Variants in PCDH15 observed in about 807,000 individuals in gnomAD.
The protein encoded by PCDH15 is protocadherin-15.
Under a neutral mutation model 178.5 loss-of-function variants are expected in PCDH15, and 129 were observed. That is an observed-to-expected ratio of 0.72 (90% CI 0.63 to 0.84). The LOEUF (loss-of-function observed/expected upper bound fraction) is 0.84, where lower values mean the gene tolerates loss of function less well. Ranked by LOEUF, PCDH15 falls within the 40% of genes least tolerant of loss-of-function variation. The pLI is 0.00. For missense variants in PCDH15, 2,230 were observed against 2,099.9 expected (o/e 1.06, Z -1.21); for synonymous variants, 800 against 732.0 (o/e 1.09, Z -1.50).
rs118148385 is a variant in PCDH15, at chr10:54,952,226, G to A, written c.-79-54726C>T. 6.7e-3 allele frequency among the ~76,000 whole-genome samples: 1,018 copies of A among 151,812 alleles called. 5 individuals carry two copies. The highest frequency in any genetic ancestry group is 0.051 in the Middle Eastern group (15 of 294). ...TGTCTAGATTAATATTTTATATTTG[G>A]ATGTTCATTAGTTCCATCACTGTTT... On this transcript the variant is annotated intron_variant, in intron 2 of 5. Transcript: ENST00000458638.
intron 2 of PCDH15, among the ~76,000 whole-genome samples, chr10:55,366,551 A>G (rs1845366617): frequency 1.3e-5 from 2 of 152,152 alleles, no homozygotes; most frequent in Non-Finnish European, 2.9e-5. Flanking sequence ...GATTTTTCAT[A>G]GCAAACTTCA....
intron 2 of PCDH15, among the ~76,000 whole-genome samples, chr10:55,436,711 A>C (rs1445344172): frequency 2.0e-5 from 3 of 152,202 alleles, no homozygotes; most frequent in African/African-American, 7.2e-5. Context: ...ATTTGCGTAA[A>C]GAGAATGTAT....
intron 15 of PCDH15, among the ~76,000 whole-genome samples, chr10:54,105,277 GATATATATATATATATATATATATAT>G (rs55696020): frequency 7.7e-5 from 7 of 90,472 alleles, no homozygotes; most frequent in East Asian, 6.1e-4. Flanking sequence ...TATAGATGGA[GATATATATATATATATATATATATAT>G]ATATATATAT....
rs181804223 is a variant in PCDH15, at chr10:54,277,986, A to G, written c.876+39285T>C. 1.3e-3 allele frequency among the ~76,000 whole-genome samples: 194 copies of G among 151,780 alleles called. 2 individuals carry two copies. Among genetic ancestry groups the G allele is most frequent in the Admixed American group, 7.2e-4 (11 of 15,190 alleles). On this transcript the variant is annotated intron_variant, in intron 8 of 37. Transcript: ENST00000644397. ...ATTAGCACCCAACTAGAGATATCAAATAGATAGTTGAATATCTACATCTTT... is the reference window on the plus strand; with the variant it reads ...ATTAGCACCCAACTAGAGATATCAAGTAGATAGTTGAATATCTACATCTTT...
chr10:55,191,382 A>G (rs1332395776), intron 1 of PCDH15, among the ~76,000 whole-genome samples: 1 of 151,794 alleles, frequency 6.6e-6, no homozygotes, highest in Non-Finnish European at 1.5e-5. Context: ...ATTACCAAGA[A>G]ATGTAAGATC....
intron 13 of PCDH15, among the ~76,000 whole-genome samples, chr10:54,179,516 A>G (rs2047774498): frequency 6.6e-6 from 1 of 152,016 alleles, no homozygotes; most frequent in South Asian, 2.1e-4. Context: ...ACATGTATAC[A>G]TATGTAACTA....
At chr10:54,493,635 C>T (rs2079821125) in intron 3 of PCDH15, among the ~76,000 whole-genome samples, 1 of 152,050 alleles carries the variant, frequency 6.6e-6, no homozygotes, top group Non-Finnish European at 1.5e-5. Flanking sequence ...GAAACTCCCC[C>T]ACCCGACTGT....
intron 3 of PCDH15, among the ~76,000 whole-genome samples, chr10:54,511,320 C>A (rs558648714): frequency 4.0e-5 from 6 of 151,766 alleles, no homozygotes; most frequent in Non-Finnish European, 8.8e-5. Flanking sequence ...AATTATTGTC[C>A]CCATGGACTC....
At chr10:54,339,345 T>A (rs910025021) in intron 6 of PCDH15, among the ~76,000 whole-genome samples, 1 of 145,224 alleles carries the variant, frequency 6.9e-6, no homozygotes, top group African/African-American at 2.7e-5. Flanking sequence ...TACTTTGTAT[T>A]ACCATGAAGG....
intron 1 of PCDH15, among the ~76,000 whole-genome samples, chr10:55,307,048 G>A (rs1843445567): frequency 6.6e-6 from 1 of 151,514 alleles, no homozygotes; most frequent in African/African-American, 2.4e-5. Flanking sequence ...TTGTAATAAT[G>A]CTATCATTAT....
chr10:54,478,573 T>TTA (rs2078451472), intron 3 of PCDH15, among the ~76,000 whole-genome samples: 1 of 152,160 alleles, frequency 6.6e-6, no homozygotes, highest in South Asian at 2.1e-4. Context: ...ATACTCATAA[T>TTA]TAACATAAAA....
intron 2 of PCDH15, among the ~76,000 whole-genome samples, chr10:55,497,389 C>A (rs1840558050): frequency 1.3e-5 from 2 of 151,686 alleles, no homozygotes; most frequent in African/African-American, 4.8e-5. Flanking sequence ...CTTGGCCTCA[C>A]AAAGTGTTAG....
chr10:55,025,950 C>A (rs896672834), intron 2 of PCDH15, among the ~76,000 whole-genome samples: 1 of 151,818 alleles, frequency 6.6e-6, no homozygotes, highest in Non-Finnish European at 1.5e-5. Context: ...TTTCACAATA[C>A]TTTGTTAGAC....
chr10:54,914,007 A>G (rs1954862184), intron 2 of PCDH15, among the ~76,000 whole-genome samples: 1 of 152,100 alleles, frequency 6.6e-6, no homozygotes, highest in Admixed American at 6.6e-5. Flanking sequence ...CTCATATGAG[A>G]CTTTAGACTG....
At chr10:54,063,239 A>T (rs1452635514) in intron 18 of PCDH15, among the ~76,000 whole-genome samples, 1 of 152,178 alleles carries the variant, frequency 6.6e-6, no homozygotes, top group Non-Finnish European at 1.5e-5. Context: ...CATGGTATAG[A>T]AAAGTGTTTA....
chr10:54,247,935 A>T (rs1049854337), intron 8 of PCDH15, among the ~76,000 whole-genome samples: 1 of 139,406 alleles, frequency 7.2e-6, no homozygotes, highest in Admixed American at 7.2e-5. Flanking sequence ...TGCATGAAAG[A>T]ATATATATAT....
rs1318369013 is a variant in PCDH15, at chr10:53,822,041, T to C, written c.4368-1811A>G. 11 of 1,613,994 alleles carry C rather than the reference T, an allele frequency of 6.8e-6. No individual in the cohort carries two copies. The highest frequency in any genetic ancestry group is 1.6e-4 in the Middle Eastern group (1 of 6,082). Reference sequence around the variant, plus strand: ...CTATTTGACTGTACATGTTAGCTACTGATTTTTCAAGTTCTGCTAAGTTTT... The same window carrying C: ...CTATTTGACTGTACATGTTAGCTACCGATTTTTCAAGTTCTGCTAAGTTTT... On this transcript the variant is annotated intron_variant, in intron 32 of 37. Coordinates refer to ENST00000644397, the MANE Select transcript of PCDH15 (RefSeq NM_001384140.1).
chr10:54,380,372 T>C (rs1565130628), intron 3 of PCDH15, among the ~76,000 whole-genome samples: 1 of 151,668 alleles, frequency 6.6e-6, no homozygotes, highest in Non-Finnish European at 1.5e-5. Context: ...AGATCAGATA[T>C]TGATGGCATT....
At chr10:54,942,035 T>G (rs1014256418) in intron 2 of PCDH15, among the ~76,000 whole-genome samples, 19 of 152,084 alleles carry the variant, frequency 1.2e-4, no homozygotes, top group African/African-American at 4.6e-4. Context: ...GACAATACTC[T>G]GGGGCTGGAA....
Sources: allele counts gnomAD v4.1 joint callset (sites outside exome capture counted in the v4.1 genomes callset), GRCh38; gene constraint gnomAD v4.1.1; transcripts MANE v1.5; gene names NCBI Gene and HGNC (gene_info 2026-07-23, HGNC 2026-07-21).